PORCN: variants seen among roughly 807,000 people sequenced by gnomAD.
PORCN encodes porcupine O-acyltransferase.
PORCN carries 1 observed loss-of-function variant against 43.0 expected under a neutral mutation model. That is an observed-to-expected ratio of 0.02 (90% confidence interval 0.01 to 0.11). PORCN has a LOEUF of 0.11. Among genes scored for constraint, PORCN ranks in the 10% least tolerant of loss-of-function variants. PORCN has a pLI of 1.00. For missense variants in PORCN, 240 were observed against 392.1 expected (o/e 0.61, Z 3.28); for synonymous variants, 148 against 166.4 (o/e 0.89, Z 0.85).
chrX:48,515,808 G>A lies in PORCN; in HGVS notation c.1023+15G>A. ...CCCTCCTACATGTGAGCAGGGTGGA[G>A]CAGGATCAGGGTGGAAGCTGGGTGG... On this transcript the variant is annotated intron_variant, in intron 11 of 14. Transcript: ENST00000326194. The A allele has an allele frequency of 8.3e-7, 1 of 1,204,624 alleles. No homozygotes were observed. Among genetic ancestry groups the A allele is most frequent in the South Asian group, 1.8e-5 (1 of 56,795 alleles).
intron 10 of PORCN, 69 bp from the exon 11 acceptor site, chrX:48,515,648 G>A (rs1300319300): frequency 1.1e-6 from 1 of 915,987 alleles, no homozygotes; most frequent in Non-Finnish European, 1.6e-6. Context: ...TTCTCATCCT[G>A]CTGATGGCCC....
At chrX:48,509,469 C>T (rs546297718) in intron 1 of PORCN, 2 of 940,250 alleles carry the variant, frequency 2.1e-6, no homozygotes, top group South Asian at 2.1e-5. Context: ...CCGTCGCCCG[C>T]CCCATTTGAT....
At chrX:48,511,740 G>A (rs2061677338) in intron 3 of PORCN, 152 bp from the exon 4 acceptor site, 1 of 592,028 alleles carries the variant, frequency 1.7e-6, no homozygotes, top group Non-Finnish European at 2.9e-6. Context: ...TCCCCCTGGA[G>A]GAGGGAGCCT....
intron 14 of PORCN, 101 bp from the exon 15 acceptor site, chrX:48,520,274 G>A (rs1216371659): frequency 3.7e-5 from 23 of 617,581 alleles, no homozygotes; most frequent in Non-Finnish European, 5.5e-5. Flanking sequence ...GCGGGGCCTC[G>A]CCTAGAGCAG....
chrX:48,511,907 A>G lies in PORCN; in HGVS notation c.345A>G (p.Val115=). 3.3e-6 allele frequency: 4 copies of G among 1,209,724 alleles called. No homozygotes were observed. Among genetic ancestry groups the G allele is most frequent in the Non-Finnish European group, 4.5e-6 (4 of 894,361 alleles). Reference sequence around the variant, plus strand: ...TTTTCCTCAGTGAGATGCACATGGTAGACACCGTGACATGGCACAAGATGC... The same window carrying G: ...TTTTCCTCAGTGAGATGCACATGGTGGACACCGTGACATGGCACAAGATGC... The part of the protein sequence containing the change: ...IYLLMGEMHM[V]DTVTWHKMRG... The change falls in exon 4 of 15, where the codon GTA becomes GTG. Residue 115 remains valine, a synonymous_variant. Transcript: ENST00000326194.
chrX:48,513,437 C>T (rs903724006), intron 7 of PORCN, among the ~76,000 whole-genome samples: 3 of 111,799 alleles, frequency 2.7e-5, no homozygotes. Context: ...GGGTTGTACC[C>T]GACTCTGGTC....
In PORCN at chrX:48,514,473, G is replaced by A. The variant is rs1317894558; in HGVS notation, c.846-52G>A. ...GGAACGGCCAAGACAGAAGTGTGGC[G>A]GTCAGATGAGTTGAGATCCCAAATG... On this transcript the variant is annotated intron_variant, in intron 9 of 14. Coordinates refer to ENST00000326194, the MANE Select transcript of PORCN (RefSeq NM_203475.3). 2.3e-5 allele frequency: 27 copies of A among 1,182,683 alleles called. No homozygotes were observed. In the Middle Eastern group the frequency reaches 7.1e-4, roughly 31 times the overall value.
intron 2 of PORCN, 139 bp downstream of exon 2, chrX:48,510,095 C>T: frequency 2.0e-6 from 1 of 509,797 alleles, no homozygotes; most frequent in Non-Finnish European, 3.4e-6. Context: ...ATGTTCAGCC[C>T]CACCACATCC....
intron 2 of PORCN, among the ~76,000 whole-genome samples, chrX:48,510,250 G>A (rs2061664473): frequency 9.0e-6 from 1 of 111,448 alleles, no homozygotes; most frequent in South Asian, 3.8e-4. Context: ...GAGATTCTTG[G>A]ATCTTGGGAT....
chrX:48,518,500 C>A, intron 14 of PORCN, among the ~76,000 whole-genome samples: 1 of 111,541 alleles, frequency 9.0e-6, no homozygotes, highest in Non-Finnish European at 1.9e-5. Context: ...GGATTACAGG[C>A]GTGAGCCACC....
rs1602075025 is a variant in PORCN at position 48,514,132 on chromosome X, C to G, written c.710C>G (p.Thr237Ser). 25 of 1,211,771 alleles carry G rather than the reference C, an allele frequency of 2.1e-5. No homozygotes were observed. The East Asian group carries it at 7.4e-4, about 36-fold the overall frequency. The change falls in exon 8 of 15, where the codon ACC (threonine) becomes AGC (serine). Residue 237 changes from threonine to serine, a missense_variant. Coordinates refer to ENST00000326194, the MANE Select transcript of PORCN (RefSeq NM_203475.3). ...LRNKKRKARG[T>S]MVRWLRAYES... ...CTGACCCCTGGGGGCCCTAGGGGCA[C>G]CATGGTAAGGTGAGTCTACAGAGCG...
Position 48,515,738 on chromosome X carries a change from G to T in PORCN, c.968G>T (p.Arg323Leu). 8.3e-7 allele frequency: 1 copy of T among 1,209,729 alleles called. No homozygotes were observed. ...CCAGATGTTTTCAAGAATGCTCTCC[G>T]CCTGGGGACCTTCTCGGCTGTGCTG... The part of the protein sequence containing the change: ...LNNYVFKNAL[R>L]LGTFSAVLVT... Residue 323 changes from arginine to leucine, a missense_variant, in exon 11 of 15, where the codon CGC becomes CTC. Transcript: ENST00000326194.
intron 14 of PORCN, among the ~76,000 whole-genome samples, chrX:48,518,480 C>T (rs1459969456): frequency 8.9e-6 from 1 of 111,835 alleles, no homozygotes; most frequent in East Asian, 2.8e-4. Context: ...CTCAGCCTCC[C>T]AAAGTGTTGG....
intron 1 of PORCN, 50 bp from the exon 2 acceptor site, chrX:48,509,734 C>T (rs782744021): frequency 8.5e-7 from 1 of 1,174,272 alleles, no homozygotes; most frequent in Non-Finnish European, 1.1e-6. Flanking sequence ...ATCCTTTAAG[C>T]GAGGTCTGCC....
chrX:48,511,986 G>A (rs782030103), intron 4 of PORCN, 51 bp downstream of exon 4: 30 of 997,683 alleles, frequency 3.0e-5, no homozygotes, highest in African/African-American at 2.7e-4. Flanking sequence ...CCCACTCCTC[G>A]TCTCCTAACT....
chrX:48,520,687 T>C lies in PORCN; in HGVS notation c.*211T>C. ...CACAAGGCAGGAAGGGGGTGGTGCC[T>C]GCTGGGGCCTAGAGGGGGATGCTTG... On this transcript the variant is annotated 3_prime_UTR_variant, in exon 15 of 15. Transcript: ENST00000326194. 1 of 457,847 alleles carries C rather than the reference T, an allele frequency of 2.2e-6. No individual in the cohort carries two copies. The highest frequency in any genetic ancestry group is 3.9e-6 in the Non-Finnish European group (1 of 254,463). The allele number at this position is 457,847 out of a possible 1,213,427, so 37.7% of individuals were successfully genotyped here. A position where few individuals can be genotyped will look rare whatever the true frequency, so the allele number is the denominator to read the frequency against.
intron 7 of PORCN, among the ~76,000 whole-genome samples, chrX:48,513,799 A>G (rs1231978902): frequency 8.9e-6 from 1 of 112,190 alleles, no homozygotes; most frequent in African/African-American, 3.2e-5. Context: ...AGGTTAGAGC[A>G]TTGCAAGGCT....
intron 4 of PORCN, 68 bp from the exon 5 acceptor site, chrX:48,512,258 G>T: frequency 1.7e-6 from 2 of 1,143,701 alleles, no homozygotes; most frequent in Non-Finnish European, 2.4e-6. Context: ...ATCTCACCTG[G>T]TGCACCTCCT....
chrX:48,516,891 C>T (rs1556975470), intron 13 of PORCN, among the ~76,000 whole-genome samples: 1 of 111,030 alleles, frequency 9.0e-6, no homozygotes, highest in East Asian at 2.8e-4. Flanking sequence ...ACCCAACTCC[C>T]GTTCATTACT....
Sources: allele counts gnomAD v4.1 joint callset (sites outside exome capture counted in the v4.1 genomes callset), GRCh38; gene constraint gnomAD v4.1.1; transcripts MANE v1.5; gene names NCBI Gene and HGNC (gene_info 2026-07-23, HGNC 2026-07-21).